ZNF487: variants seen among roughly 807,000 people sequenced by gnomAD.
ZNF487 encodes the protein zinc finger protein 487.
In ZNF487, 4 loss-of-function variants were observed where a neutral mutation model predicts 3.0. The observed-to-expected ratio is 1.35, with a 90% CI of 0.66 to 3.08. The LOEUF is 3.08. Among genes scored for constraint, ZNF487 ranks in the 30% most tolerant of loss-of-function variants. The pLI, the probability that ZNF487 is intolerant of heterozygous loss-of-function variation, is 0.01. For synonymous variants in ZNF487, 55 were observed against 34.6 expected (o/e 1.59, Z -2.06); for missense variants, 146 against 98.7 (o/e 1.48, Z -2.03).
At chr10:43,512,133 A>C in the ZNF487 span, among the ~76,000 whole-genome samples, 1 of 152,240 alleles carries the variant, frequency 6.6e-6, no homozygotes, top group Non-Finnish European at 1.5e-5. Context: ...GTAGTGCTGC[A>C]GCTGTCCACT....
intron 1 of ZNF487, among the ~76,000 whole-genome samples, chr10:43,458,607 A>C (rs1227111384): frequency 6.6e-6 from 1 of 152,136 alleles, no homozygotes; most frequent in African/African-American, 2.4e-5. Context: ...AAAACAAAAA[A>C]CAAAAAACAA....
chr10:43,442,718 C>G (rs1013469951), intron 1 of ZNF487, among the ~76,000 whole-genome samples: 1 of 152,164 alleles, frequency 6.6e-6, no homozygotes, highest in African/African-American at 2.4e-5. Context: ...GCTGGGATTA[C>G]AGGCGTGAGA....
intron 1 of ZNF487, among the ~76,000 whole-genome samples, chr10:43,471,435 C>T (rs952501731): frequency 2.6e-5 from 4 of 152,170 alleles, no homozygotes; most frequent in African/African-American, 4.8e-5. Context: ...CAGTTGGCCC[C>T]TTGTCTCGTT....
chr10:43,480,085 T>C (rs532378339), intron 3 of ZNF487, among the ~76,000 whole-genome samples: 13 of 114,074 alleles, frequency 1.1e-4, no homozygotes, highest in African/African-American at 4.3e-4. Flanking sequence ...TCCTTCCTTC[T>C]TTCTTTTCTT....
At chr10:43,509,998 A>G in the ZNF487 span, among the ~76,000 whole-genome samples, 4 of 152,216 alleles carry the variant, frequency 2.6e-5, no homozygotes, top group Non-Finnish European at 4.4e-5. Context: ...CCTTCATACA[A>G]TGGGAAACGT....
rs565421559 is a variant in ZNF487 at position 43,480,047 on chromosome 10, T to C, written c.131-1382T>C. Among the ~76,000 whole-genome samples the C allele has an allele frequency of 1.4e-4, 19 of 138,046 alleles. No homozygotes were observed. The East Asian group carries it at 1.7e-3, about 12-fold the overall frequency. 90.6% of individuals were successfully genotyped at this position (138,046 alleles called of 152,430 possible). Reference sequence around the variant, plus strand: ...TCTTTCTTTCTTTCTTTCTTTCTTTTTCTTTCTTTCTTCCTTGCTTCCTTC... The same window carrying C: ...TCTTTCTTTCTTTCTTTCTTTCTTTCTCTTTCTTTCTTCCTTGCTTCCTTC... On this transcript the variant is annotated intron_variant, in intron 3 of 3. Coordinates refer to ENST00000437590, the MANE Select transcript of ZNF487 (RefSeq NM_001355444.3).
chr10:43,469,135 A>G (rs893585082), intron 1 of ZNF487, among the ~76,000 whole-genome samples: 3 of 152,100 alleles, frequency 2.0e-5, no homozygotes, highest in African/African-American at 4.8e-5. Context: ...TTGAGGCAAG[A>G]CCATCTACCA....
In ZNF487 at chr10:43,482,017, TGTGAGAGGAGGTCTG is replaced by T; in HGVS notation, c.*104_*118del. 1.7e-6 allele frequency: 1 copy of T among 588,674 alleles called. No individual in the cohort carries two copies. The highest frequency in any genetic ancestry group is 3.0e-6 in the Non-Finnish European group (1 of 334,652). 36.5% of individuals were successfully genotyped at this position (588,674 alleles called of 1,614,324 possible). On this transcript the variant is annotated 3_prime_UTR_variant, in exon 4 of 4. Coordinates refer to ENST00000437590, the MANE Select transcript of ZNF487 (RefSeq NM_001355444.3). ...GAAGAGTCACCATGAATTCAATGAATGTGAGAGGAGGTCTGGTGAGAGGCCACCTGTAAATAAACA... is the reference window on the plus strand; with the variant it reads ...GAAGAGTCACCATGAATTCAATGAATGTGAGAGGCCACCTGTAAATAAACA...
At chr10:43,477,635 A>C (rs1391682468) in intron 3 of ZNF487, among the ~76,000 whole-genome samples, 1 of 147,594 alleles carries the variant, frequency 6.8e-6, no homozygotes, top group Non-Finnish European at 1.5e-5. Flanking sequence ...AAAAAAATTA[A>C]ATGTGTTGGA....
At chr10:43,471,383 C>G (rs539272624) in intron 1 of ZNF487, among the ~76,000 whole-genome samples, 1 of 152,264 alleles carries the variant, frequency 6.6e-6, no homozygotes, top group East Asian at 1.9e-4. Context: ...TTACGGTGCT[C>G]TGTTAGTTTT....
chr10:43,437,681 G>T (rs1839436769), intron 1 of ZNF487, among the ~76,000 whole-genome samples: 1 of 152,042 alleles, frequency 6.6e-6, no homozygotes, highest in Non-Finnish European at 1.5e-5. Flanking sequence ...CTTGCACAAG[G>T]CCTTATTACT....
chr10:43,474,843 A>T (rs1220083426), intron 1 of ZNF487, among the ~76,000 whole-genome samples: 1 of 151,906 alleles, frequency 6.6e-6, no homozygotes, highest in Non-Finnish European at 1.5e-5. Context: ...TTGGCCACCC[A>T]AAGTGCTGGG....
the ZNF487 span, among the ~76,000 whole-genome samples, chr10:43,491,420 C>G: frequency 6.6e-6 from 1 of 151,502 alleles, no homozygotes; most frequent in Admixed American, 6.6e-5. Context: ...TTTGCCTTTC[C>G]TTGGGAGCCA....
At chr10:43,470,189 C>T (rs138737156) in intron 1 of ZNF487, among the ~76,000 whole-genome samples, 2 of 152,124 alleles carry the variant, frequency 1.3e-5, no homozygotes, top group African/African-American at 4.8e-5. Context: ...TACAGGACAC[C>T]ACACTCTTTT....
intron 1 of ZNF487, among the ~76,000 whole-genome samples, chr10:43,457,051 G>T (rs539430231): frequency 5.9e-5 from 9 of 152,264 alleles, no homozygotes; most frequent in Admixed American, 5.9e-4. Flanking sequence ...CAGTTTCCTG[G>T]ATTACCAATT....
the ZNF487 span, chr10:43,523,433 G>A: frequency 1.3e-5 from 2 of 152,182 alleles, no homozygotes; most frequent in Non-Finnish European, 2.9e-5. Context: ...TATAATGAAC[G>A]TGAATTATAT....
chr10:43,465,352 G>A (rs1482786061), intron 1 of ZNF487, among the ~76,000 whole-genome samples: 2 of 151,240 alleles, frequency 1.3e-5, no homozygotes, highest in African/African-American at 4.8e-5. Context: ...CTTCCCAGAC[G>A]GGGTGGCTGC....
chr10:43,516,664 C>T, the ZNF487 span, among the ~76,000 whole-genome samples: 3 of 152,214 alleles, frequency 2.0e-5, no homozygotes, highest in East Asian at 5.8e-4. Context: ...GGCTGGGAGG[C>T]TAGGCCAGTC....
chr10:43,522,793 T>C, the ZNF487 span, among the ~76,000 whole-genome samples: 1 of 151,574 alleles, frequency 6.6e-6, no homozygotes, highest in African/African-American at 2.4e-5. Context: ...ATTGGAAACA[T>C]ATGTATTAGT....
Sources: gnomAD v4.1 joint callset for allele counts (sites outside exome capture counted in the v4.1 genomes callset) on GRCh38, gnomAD v4.1.1 for gene constraint, MANE v1.5 for transcripts, NCBI Gene and HGNC (gene_info 2026-07-23, HGNC 2026-07-21) for gene names.